The following PTP4A2 variants were observed in gnomAD, a reference collection of about 807,000 sequenced individuals.
PTP4A2 encodes protein tyrosine phosphatase type IVA 2.
A neutral mutation model predicts 22.9 loss-of-function variants in PTP4A2; 2 were observed. The observed-to-expected ratio is 0.09, with a 90% CI of 0.04 to 0.27. The LOEUF is 0.27. Among genes scored for constraint, PTP4A2 ranks in the 10% least tolerant of loss-of-function variants. PTP4A2 has a pLI of 1.00. For missense variants in PTP4A2, 103 were observed against 205.1 expected (o/e 0.50, Z 3.04); for synonymous variants, 68 against 69.1 (o/e 0.98, Z 0.08).
In PTP4A2 at chr1:31,914,788, T is replaced by C. The variant is rs548467173; in HGVS notation, c.189+1107A>G. Among the ~76,000 whole-genome samples the C allele has an allele frequency of 2.7e-4, 41 of 152,350 alleles. 1 individual carries two copies. The South Asian group carries it at 8.1e-3, about 30-fold the overall frequency. ...ACTAATCTGATGCTCCCATTTGCTATAAGGAAACAGCCTATTTTGATGCTA... is the reference window on the plus strand; with the variant it reads ...ACTAATCTGATGCTCCCATTTGCTACAAGGAAACAGCCTATTTTGATGCTA... On this transcript the variant is annotated intron_variant, in intron 3 of 5. Coordinates refer to ENST00000647444, the MANE Select transcript of PTP4A2 (RefSeq NM_080391.4).
chr1:31,915,688 C>T lies in PTP4A2; in HGVS notation c.189+207G>A, dbSNP rs896236936. ...CCAAGTAGCTGGGACCACAGGTGTG[C>T]ACCAACATGCCCCACCAGTTTTTTA... is the stretch of plus-strand genomic sequence containing the variant. On this transcript the variant is annotated intron_variant, in intron 3 of 5. Coordinates refer to ENST00000647444, the MANE Select transcript of PTP4A2 (RefSeq NM_080391.4). 1.8e-5 allele frequency: 7 copies of T among 382,068 alleles called. No homozygotes were observed. In the East Asian group the frequency reaches 2.6e-4, roughly 14 times the overall value. The allele number at this position is 382,068 out of a possible 1,614,324, so 23.7% of individuals were successfully genotyped here.
At chr1:31,922,954 G>C (rs1652262198) in intron 1 of PTP4A2, among the ~76,000 whole-genome samples, 1 of 149,984 alleles carries the variant, frequency 6.7e-6, no homozygotes, top group Non-Finnish European at 1.5e-5. Context: ...TTTTTTGAGA[G>C]AGAGTCTTAC....
intron 4 of PTP4A2, chr1:31,911,242 C>A (rs1235711322): frequency 6.6e-6 from 1 of 152,456 alleles, no homozygotes; most frequent in African/African-American, 2.4e-5. Flanking sequence ...AGCGTTGCAA[C>A]ACCATTCTAA....
chr1:31,924,159 T>C (rs1652339663), intron 1 of PTP4A2: 1 of 152,064 alleles, frequency 6.6e-6, no homozygotes, highest in East Asian at 1.9e-4. Context: ...TAGTCTCCAG[T>C]GTGTGTCTGC....
Position 31,908,178 on chromosome 1 carries a change from ATATATATATATATAT to A in PTP4A2, c.*659_*673del, listed in dbSNP as rs1651327329. 1 of 12,448 alleles carries A rather than the reference ATATATATATATATAT, an allele frequency of 8.0e-5. No homozygotes were observed. The highest frequency in any genetic ancestry group is 1.3e-4 in the Non-Finnish European group (1 of 7,502). The allele number at this position is 12,448 out of a possible 1,614,324, so 0.8% of individuals were successfully genotyped here. Reference sequence around the variant, plus strand: ...TATATATATATATATATATATATATATATATATATATATATATATATATATATATCACTGCTGTTT... The same window carrying A: ...TATATATATATATATATATATATATAATATATATATATATCACTGCTGTTT... On this transcript the variant is annotated 3_prime_UTR_variant, in exon 6 of 6. Coordinates refer to ENST00000647444, the MANE Select transcript of PTP4A2 (RefSeq NM_080391.4).
intron 1 of PTP4A2, among the ~76,000 whole-genome samples, chr1:31,934,862 TCA>T (rs1207267552): frequency 3.3e-5 from 5 of 152,318 alleles, no homozygotes; most frequent in African/African-American, 1.2e-4. Flanking sequence ...CTTGACTGAC[TCA>T]CAGAGGGAGT....
chr1:31,910,217 T>C, intron 4 of PTP4A2, 105 bp from the exon 5 acceptor site: 1 of 763,806 alleles, frequency 1.3e-6, no homozygotes. Context: ...GCTTTCTTTT[T>C]CCTGTATACT....
intron 1 of PTP4A2, among the ~76,000 whole-genome samples, chr1:31,937,158 G>A (rs1652970669): frequency 6.6e-6 from 1 of 152,052 alleles, no homozygotes; most frequent in Admixed American, 6.6e-5. Context: ...CCCCAGACTA[G>A]GATAGGATGG....
At chr1:31,937,062 C>G (rs2124287867) in intron 1 of PTP4A2, among the ~76,000 whole-genome samples, 1 of 152,220 alleles carries the variant, frequency 6.6e-6, no homozygotes, top group East Asian at 1.9e-4. Flanking sequence ...CAGTACTTTA[C>G]AAAAGTTTAT....
rs942805293 is a variant in PTP4A2 at position 31,912,906 on chromosome 1, G to A, written c.190-1080C>T. ...AGTACATGATTGAGTTGACAACTAC[G>A]CCCCATAATTAAAGGACTGTGTTAT... is the stretch of plus-strand genomic sequence containing the variant. On this transcript the variant is annotated intron_variant, in intron 3 of 5. Transcript: ENST00000647444. 19 of 385,486 alleles carry A rather than the reference G, an allele frequency of 4.9e-5. 2 individuals are homozygous for A. The Middle Eastern group carries it at 5.8e-3, about 118-fold the overall frequency. The allele number at this position is 385,486 out of a possible 1,614,324, so 23.9% of individuals were successfully genotyped here. A position where few individuals can be genotyped will look rare whatever the true frequency, so the allele number is the denominator to read the frequency against.
At chr1:31,936,796 AC>A (rs1303042373) in intron 1 of PTP4A2, among the ~76,000 whole-genome samples, 2 of 152,198 alleles carry the variant, frequency 1.3e-5, no homozygotes, top group Non-Finnish European at 2.9e-5. Context: ...CTCCTTTTGC[AC>A]ACTCAGCAAG....
At chr1:31,929,783 A>C (rs1167603356) in intron 1 of PTP4A2, among the ~76,000 whole-genome samples, 1 of 152,230 alleles carries the variant, frequency 6.6e-6, no homozygotes, top group East Asian at 1.9e-4. Flanking sequence ...AAATAATTTA[A>C]GATTCTGAAC....
intron 1 of PTP4A2, among the ~76,000 whole-genome samples, chr1:31,930,109 C>T (rs1042053033): frequency 1.1e-4 from 16 of 152,208 alleles, no homozygotes; most frequent in Admixed American, 3.3e-4. Flanking sequence ...GAGGCCAAGG[C>T]GGGCGGATCA....
intron 2 of PTP4A2, among the ~76,000 whole-genome samples, chr1:31,917,283 T>C (rs770078146): frequency 2.0e-5 from 3 of 152,204 alleles, no homozygotes; most frequent in Non-Finnish European, 2.9e-5. Flanking sequence ...GAATTATAAG[T>C]ATAAATAAGC....
intron 2 of PTP4A2, among the ~76,000 whole-genome samples, chr1:31,918,132 C>T (rs183296991): frequency 3.6e-4 from 54 of 151,940 alleles, no homozygotes; most frequent in African/African-American, 1.3e-3. Context: ...GCCTGTAGTC[C>T]CAGCTATCAG....
intron 1 of PTP4A2, among the ~76,000 whole-genome samples, chr1:31,923,329 CTTTT>C (rs894382854): frequency 0.03 from 3,464 of 113,692 alleles, 45 homozygotes; most frequent in Non-Finnish European, 0.045. Context: ...GCCTCAACCT[CTTTT>C]TTTTTTTTTT....
rs1164574402 is a variant in PTP4A2, at chr1:31,906,476, A to G, written c.*2376T>C. On this transcript the variant is annotated 3_prime_UTR_variant, in exon 6 of 6. Transcript: ENST00000647444. ...AAAAGGGTTCAGGGTTTGGTTTTAAATCAGGCTGCACACCTTTCAAATCAA... is the reference window on the plus strand; with the variant it reads ...AAAAGGGTTCAGGGTTTGGTTTTAAGTCAGGCTGCACACCTTTCAAATCAA... 2 of 152,168 alleles carry G rather than the reference A, an allele frequency of 1.3e-5. No individual in the cohort carries two copies. The highest frequency in any genetic ancestry group is 1.3e-4 in the Admixed American group (2 of 15,256). 9.4% of individuals were successfully genotyped at this position (152,168 alleles called of 1,614,324 possible). A position where few individuals can be genotyped will look rare whatever the true frequency, so the allele number is the denominator to read the frequency against.
chr1:31,933,877 C>G (rs749784120), intron 1 of PTP4A2: 3 of 152,226 alleles, frequency 2.0e-5, no homozygotes, highest in Non-Finnish European at 4.4e-5. Context: ...AACCTAAACC[C>G]TGAAAGGGTA....
chr1:31,936,624 G>T (rs113486037), intron 1 of PTP4A2, among the ~76,000 whole-genome samples: 1 of 152,028 alleles, frequency 6.6e-6, no homozygotes, highest in African/African-American at 2.4e-5. Context: ...TACAACACAA[G>T]AATGGGAAAA....
Sources: allele counts gnomAD v4.1 joint callset (sites outside exome capture counted in the v4.1 genomes callset), GRCh38; gene constraint gnomAD v4.1.1; transcripts MANE v1.5; gene names NCBI Gene and HGNC (gene_info 2026-07-23, HGNC 2026-07-21).